Variants in TGFBR3 observed in about 807,000 individuals in gnomAD.
The protein encoded by TGFBR3 is transforming growth factor beta receptor type 3.
Under a neutral mutation model 87.9 loss-of-function variants are expected in TGFBR3, and 46 were observed. That is an observed-to-expected ratio of 0.52 (90% confidence interval 0.41 to 0.67). The LOEUF is 0.67. Among genes scored for constraint, TGFBR3 ranks in the 30% least tolerant of loss-of-function variants. TGFBR3 has a pLI of 0.00. For synonymous variants in TGFBR3, 381 were observed against 391.6 expected, an observed-to-expected ratio of 0.97 and a Z score of 0.32; for missense variants, 866 against 1,041.9, an observed-to-expected ratio of 0.83 and a Z score of 2.32.
At chr1:91,896,804 A>T (rs1246826150) in intron 2 of TGFBR3, among the ~76,000 whole-genome samples, 1 of 152,058 alleles carries the variant, frequency 6.6e-6, no homozygotes, top group Non-Finnish European at 1.5e-5. Flanking sequence ...ATTTCCTTCT[A>T]GAGAAGGAAA....
intron 2 of TGFBR3, among the ~76,000 whole-genome samples, chr1:91,838,911 G>A (rs1156513161): frequency 6.6e-6 from 1 of 152,172 alleles, no homozygotes; most frequent in Non-Finnish European, 1.5e-5. Flanking sequence ...TGAAGGATAT[G>A]AAGAAATCTG....
chr1:91,890,017 C>T (rs539881120), upstream of TGFBR3, among the ~76,000 whole-genome samples: 5 of 152,242 alleles, frequency 3.3e-5, no homozygotes, highest in African/African-American at 1.2e-4. Context: ...TGGATGCTCC[C>T]TTTCACTAAT....
At chr1:91,794,023 C>G (rs1203306735) in intron 3 of TGFBR3, among the ~76,000 whole-genome samples, 1 of 152,018 alleles carries the variant, frequency 6.6e-6, no homozygotes, top group East Asian at 1.9e-4. Flanking sequence ...ATTGAGCCAA[C>G]GTAAACTTTA....
At chr1:91,878,777 C>A (rs966491076) in intron 1 of TGFBR3, among the ~76,000 whole-genome samples, 2 of 152,172 alleles carry the variant, frequency 1.3e-5, no homozygotes, top group African/African-American at 4.8e-5. Flanking sequence ...TCGGCATATA[C>A]CAGAGAAATG....
rs2100678366 is a variant in TGFBR3 at position 91,682,770 on chromosome 1, C to T, written c.*969G>A. The T allele has an allele frequency of 2.2e-6, 1 of 453,874 alleles. No homozygotes were observed. The allele number at this position is 453,874 out of a possible 1,614,324, so 28.1% of individuals were successfully genotyped here. On this transcript the variant is annotated 3_prime_UTR_variant, in exon 17 of 17. Coordinates refer to ENST00000212355, the MANE Select transcript of TGFBR3 (RefSeq NM_003243.5). ...TATACTTAAGTTGCAACTCTAAAAG[C>T]ATAAGGACATTTTCAAATTTTCTCT...
chr1:91,840,924 C>A (rs543256748), intron 2 of TGFBR3, among the ~76,000 whole-genome samples: 1 of 152,248 alleles, frequency 6.6e-6, no homozygotes, highest in Admixed American at 6.5e-5. Context: ...AATTCTCCTG[C>A]CTCAGCCTCC....
At chr1:91,702,866 G>A (rs1414330176) in intron 14 of TGFBR3, among the ~76,000 whole-genome samples, 1 of 152,134 alleles carries the variant, frequency 6.6e-6, no homozygotes, top group East Asian at 1.9e-4. Context: ...CCAACATGGT[G>A]AAACCCTGTA....
chr1:91,740,688 A>G (rs1673131787), intron 4 of TGFBR3, among the ~76,000 whole-genome samples: 1 of 152,148 alleles, frequency 6.6e-6, no homozygotes, highest in Non-Finnish European at 1.5e-5. Flanking sequence ...TTAACATGAG[A>G]TTTGGGCAGG....
chr1:91,762,919 G>A (rs117380499), intron 3 of TGFBR3, among the ~76,000 whole-genome samples: 1 of 128,870 alleles, frequency 7.8e-6, no homozygotes, highest in East Asian at 1.9e-4. Context: ...AAGCCTCTGA[G>A]TGGAAACACT....
chr1:91,758,919 C>T (rs1419049876), intron 3 of TGFBR3, among the ~76,000 whole-genome samples, 169 bp from the exon 4 acceptor site: 1 of 152,160 alleles, frequency 6.6e-6, no homozygotes, highest in Non-Finnish European at 1.5e-5. Context: ...GATGATATTG[C>T]CAATATTTGA....
chr1:91,723,480 T>TAAAAAA (rs58578681), intron 7 of TGFBR3, among the ~76,000 whole-genome samples: 32 of 109,138 alleles, frequency 2.9e-4, no homozygotes, highest in South Asian at 6.9e-4. Context: ...GACCCTGCCT[T>TAAAAAA]AAAAAAAAAA....
At chr1:91,736,774 G>T (rs1672980971) in intron 4 of TGFBR3, among the ~76,000 whole-genome samples, 1 of 152,156 alleles carries the variant, frequency 6.6e-6, no homozygotes, top group Non-Finnish European at 1.5e-5. Flanking sequence ...ACCCACAACA[G>T]TCCAGAGGCC....
chr1:91,687,518 A>C (rs1332405161), intron 16 of TGFBR3, among the ~76,000 whole-genome samples: 2 of 152,220 alleles, frequency 1.3e-5, no homozygotes, highest in African/African-American at 4.8e-5. Flanking sequence ...CTGGGGAAGA[A>C]ACTATTCAAG....
In TGFBR3 at chr1:91,695,595, C is replaced by G; in HGVS notation, c.2437+77G>C. ...CTTTCTCTTTCATTCGTTATTTCAT[C>G]CAACAAAACACTGAGTGTCTATTGT... is the stretch of plus-strand genomic sequence containing the variant. On this transcript the variant is annotated intron_variant, in intron 16 of 16. Transcript: ENST00000212355. 3 of 1,135,908 alleles carry G rather than the reference C, an allele frequency of 2.6e-6. No homozygotes were observed. The Admixed American group carries it at 5.1e-5, about 19-fold the overall frequency. The allele number at this position is 1,135,908 out of a possible 1,614,324, so 70.4% of individuals were successfully genotyped here.
intron 16 of TGFBR3, among the ~76,000 whole-genome samples, chr1:91,692,643 G>A (rs2893178): frequency 0.16 from 23,935 of 152,020 alleles, 2,459 homozygotes; most frequent in East Asian, 0.37. Context: ...CAGCCCCCAA[G>A]CACCCCTCCT....
chr1:91,781,563 C>T (rs1000700625), intron 3 of TGFBR3, among the ~76,000 whole-genome samples: 5 of 152,012 alleles, frequency 3.3e-5, no homozygotes, highest in East Asian at 1.9e-4. Flanking sequence ...TTATGAGTAC[C>T]GTAAGTATGA....
At chr1:91,790,999 A>T (rs1675170007) in intron 3 of TGFBR3, among the ~76,000 whole-genome samples, 1 of 152,198 alleles carries the variant, frequency 6.6e-6, no homozygotes, top group Admixed American at 6.5e-5. Flanking sequence ...ATGGGGAAGG[A>T]TTACATATAG....
chr1:91,905,219 A>G (rs1225987527), intron 1 of TGFBR3, among the ~76,000 whole-genome samples: 1 of 152,238 alleles, frequency 6.6e-6, no homozygotes, highest in Non-Finnish European at 1.5e-5. Context: ...AGTTGAATCC[A>G]CACTGACACT....
At chr1:91,770,150 C>G (rs913863836) in intron 3 of TGFBR3, among the ~76,000 whole-genome samples, 1 of 151,780 alleles carries the variant, frequency 6.6e-6, no homozygotes, top group African/African-American at 2.4e-5. Context: ...GCTCTAAGAG[C>G]AGACCAGGGT....
Sources: allele counts gnomAD v4.1 joint callset (sites outside exome capture counted in the v4.1 genomes callset), GRCh38; gene constraint gnomAD v4.1.1; transcripts MANE v1.5; gene names NCBI Gene and HGNC (gene_info 2026-07-23, HGNC 2026-07-21).